Variants in SPMIP2 observed in about 807,000 individuals in gnomAD.
SPMIP2 encodes the protein sperm microtubule inner protein 2.
the SPMIP2 span, among the ~76,000 whole-genome samples, chr4:159,080,234 T>TTATC: frequency 7.0e-6 from 1 of 142,590 alleles, no homozygotes; most frequent in African/African-American, 2.6e-5. Context: ...ATTTATTTAT[T>TTATC]TTAAGATGGT....
chr4:158,947,771 A>G, the SPMIP2 span, among the ~76,000 whole-genome samples: 7 of 152,198 alleles, frequency 4.6e-5, no homozygotes, highest in African/African-American at 1.4e-4. Context: ...AGAGATTAAA[A>G]TGTGTAATAT....
the SPMIP2 span, among the ~76,000 whole-genome samples, chr4:158,979,229 G>A: frequency 2.5e-4 from 38 of 152,240 alleles, no homozygotes; most frequent in South Asian, 3.1e-3. Context: ...CTCCCAGGTC[G>A]GTTTCAGACT....
At chr4:158,990,014 A>T in the SPMIP2 span, among the ~76,000 whole-genome samples, 52 of 152,284 alleles carry the variant, frequency 3.4e-4, no homozygotes, top group South Asian at 1.0e-3. Context: ...GAATCTCCAA[A>T]GAACTTAAAT....
chr4:159,082,135 T>G, the SPMIP2 span, among the ~76,000 whole-genome samples: 6 of 138,338 alleles, frequency 4.3e-5, 1 homozygote, highest in South Asian at 1.3e-3. Context: ...CCGGCCAATA[T>G]GGCAAAACCC....
chr4:158,908,744 T>C, the SPMIP2 span, among the ~76,000 whole-genome samples: 1 of 152,202 alleles, frequency 6.6e-6, no homozygotes, highest in African/African-American at 2.4e-5. Context: ...TGGAGTGCAA[T>C]GGTGCAATCT....
the SPMIP2 span, among the ~76,000 whole-genome samples, chr4:158,976,142 C>G: frequency 6.6e-6 from 1 of 152,126 alleles, no homozygotes; most frequent in Non-Finnish European, 1.5e-5. Context: ...GATTTTATAT[C>G]CTGAGACTTT....
chr4:158,998,597 C>A, the SPMIP2 span, among the ~76,000 whole-genome samples: 1 of 151,880 alleles, frequency 6.6e-6, no homozygotes, highest in Non-Finnish European at 1.5e-5. Context: ...GTATAAATGA[C>A]CAGTGAGAAG....
chr4:159,052,336 A>G, the SPMIP2 span, among the ~76,000 whole-genome samples: 1 of 152,154 alleles, frequency 6.6e-6, no homozygotes, highest in Non-Finnish European at 1.5e-5. Context: ...GCTACAGCAG[A>G]GTGTCCCATG....
chr4:158,939,041 A>G, the SPMIP2 span, among the ~76,000 whole-genome samples: 8 of 152,184 alleles, frequency 5.3e-5, no homozygotes, highest in African/African-American at 1.7e-4. Context: ...AACCAAGTCC[A>G]GTTTCTCTTC....
At chr4:158,955,102 T>C in the SPMIP2 span, among the ~76,000 whole-genome samples, 2 of 152,116 alleles carry the variant, frequency 1.3e-5, no homozygotes, top group African/African-American at 4.8e-5. Context: ...TTTCCTTTAA[T>C]TTATACATTT....
chr4:159,080,554 G>C, the SPMIP2 span, among the ~76,000 whole-genome samples: 1 of 152,092 alleles, frequency 6.6e-6, no homozygotes, highest in Non-Finnish European at 1.5e-5. Flanking sequence ...TAAATGGGCA[G>C]TAACTTATTG....
chr4:158,911,903 A>G, the SPMIP2 span, among the ~76,000 whole-genome samples: 107,257 of 152,008 alleles, frequency 0.71, 38,556 homozygotes, highest in East Asian at 0.95. Flanking sequence ...AAATAGAAAT[A>G]AATTATGTTA....
the SPMIP2 span, among the ~76,000 whole-genome samples, chr4:159,080,938 T>TA: frequency 2.0e-5 from 3 of 152,184 alleles, no homozygotes; most frequent in Non-Finnish European, 2.9e-5. Flanking sequence ...TTAGCCAGGA[T>TA]AGTCTCGATC....
At chr4:158,967,627 G>A in the SPMIP2 span, among the ~76,000 whole-genome samples, 1 of 152,176 alleles carries the variant, frequency 6.6e-6, no homozygotes, top group Admixed American at 6.5e-5. Flanking sequence ...GATAACATCT[G>A]GAGATTAGGA....
At chr4:158,983,129 C>G in the SPMIP2 span, among the ~76,000 whole-genome samples, 1 of 151,770 alleles carries the variant, frequency 6.6e-6, no homozygotes, top group African/African-American at 2.4e-5. Flanking sequence ...TAAAAGGAGA[C>G]GAACAAAGCC....
the SPMIP2 span, among the ~76,000 whole-genome samples, chr4:159,006,880 G>A: frequency 2.0e-5 from 3 of 152,124 alleles, no homozygotes; most frequent in Non-Finnish European, 4.4e-5. Context: ...ACAAACGAGG[G>A]CTGAGGGTCC....
the SPMIP2 span, among the ~76,000 whole-genome samples, chr4:158,928,769 G>A: frequency 3.2e-4 from 49 of 152,126 alleles, no homozygotes; most frequent in African/African-American, 6.0e-4. Context: ...CTGTAACACC[G>A]CTAAGGTCTG....
At chr4:158,948,781 T>C in the SPMIP2 span, among the ~76,000 whole-genome samples, 1 of 152,042 alleles carries the variant, frequency 6.6e-6, no homozygotes, top group African/African-American at 2.4e-5. Context: ...ATTTTTGTAT[T>C]TTTTGTAGAG....
At chr4:159,003,984 CA>C in the SPMIP2 span, among the ~76,000 whole-genome samples, 20 of 152,192 alleles carry the variant, frequency 1.3e-4, no homozygotes, top group Admixed American at 5.9e-4. Context: ...GACGAGTCAT[CA>C]CCAGCTGAGT....
Sources: gnomAD v4.1 joint callset for allele counts (sites outside exome capture counted in the v4.1 genomes callset) on GRCh38, gnomAD v4.1.1 for gene constraint, MANE v1.5 for transcripts, NCBI Gene and HGNC (gene_info 2026-07-23, HGNC 2026-07-21) for gene names.